CPPED1: variants seen among roughly 807,000 people sequenced by gnomAD.
CPPED1 encodes the protein serine/threonine-protein phosphatase CPPED1.
In CPPED1, 28 loss-of-function variants were observed where a neutral mutation model predicts 28.0. The ratio of observed to expected loss-of-function variants is 1.00; its 90% CI spans 0.74 to 1.37. CPPED1 has a LOEUF of 1.37. CPPED1 is among the 40% of genes most tolerant of loss of function. The pLI is 0.00. For missense variants in CPPED1, 504 were observed against 416.5 expected, an observed-to-expected ratio of 1.21 and a Z score of -1.83; for synonymous variants, 198 against 180.2, an observed-to-expected ratio of 1.10 and a Z score of -0.79.
intron 3 of CPPED1, among the ~76,000 whole-genome samples, chr16:12,685,025 C>G (rs537735008): frequency 1.3e-5 from 2 of 152,328 alleles, no homozygotes; most frequent in South Asian, 2.1e-4. Context: ...GGAGGCCTTA[C>G]TCACGACAGG....
At chr16:12,746,900 T>C (rs116267450) in intron 2 of CPPED1, among the ~76,000 whole-genome samples, 2 of 152,020 alleles carry the variant, frequency 1.3e-5, no homozygotes, top group African/African-American at 4.8e-5. Context: ...TAAAGGGTTA[T>C]AGCTAATGGG....
chr16:12,728,931 G>A (rs2080183731), intron 2 of CPPED1, among the ~76,000 whole-genome samples: 2 of 152,192 alleles, frequency 1.3e-5, no homozygotes, highest in Admixed American at 6.5e-5. Context: ...ACTGGGGCGG[G>A]ACCTGGATAG....
chr16:12,763,062 C>G (rs2080418734), intron 2 of CPPED1, among the ~76,000 whole-genome samples: 1 of 151,984 alleles, frequency 6.6e-6, no homozygotes, highest in Admixed American at 6.5e-5. Flanking sequence ...AACCCCATCT[C>G]TATTCTAAAA....
At chr16:12,669,596 T>C (rs894128288) in intron 3 of CPPED1, among the ~76,000 whole-genome samples, 5 of 152,212 alleles carry the variant, frequency 3.3e-5, no homozygotes, top group Admixed American at 6.5e-5. Flanking sequence ...CATGTTTAGC[T>C]TAATATTGCT....
chr16:12,762,703 T>C (rs1318930784), intron 2 of CPPED1, among the ~76,000 whole-genome samples: 1 of 152,254 alleles, frequency 6.6e-6, no homozygotes, highest in Non-Finnish European at 1.5e-5. Flanking sequence ...AAATAGGGAA[T>C]GACAGCTAAC....
rs1567301044 is a variant in CPPED1, at chr16:12,766,277, G to GAGAGA, written c.289+14907_289+14908insTCTCT. Among the ~76,000 whole-genome samples, 20 of 119,952 alleles carry GAGAGA rather than the reference G, an allele frequency of 1.7e-4. 3 individuals are homozygous for GAGAGA. Among genetic ancestry groups the GAGAGA allele is most frequent in the African/African-American group, 7.8e-4 (20 of 25,546 alleles). 78.7% of individuals were successfully genotyped at this position (119,952 alleles called of 152,430 possible). A position where few individuals can be genotyped will look rare whatever the true frequency, so the allele number is the denominator to read the frequency against. On this transcript the variant is annotated intron_variant, in intron 2 of 3. Transcript: ENST00000381774. Reference sequence around the variant, plus strand: ...TATATAGAGAGAGAGAGAGAGAGAGGGAGAGAGAGAGAGAGAAAGAGAGAG... The same window carrying GAGAGA: ...TATATAGAGAGAGAGAGAGAGAGAGGAGAGAGAGAGAGAGAGAGAGAAAGAGAGAG...
At chr16:12,794,909 A>T (rs1274135175) in intron 1 of CPPED1, among the ~76,000 whole-genome samples, 2 of 152,260 alleles carry the variant, frequency 1.3e-5, no homozygotes, top group African/African-American at 4.8e-5. Flanking sequence ...CTAAGAAAGC[A>T]GATGGGCTGG....
intron 2 of CPPED1, among the ~76,000 whole-genome samples, chr16:12,713,256 G>C (rs2080089235): frequency 6.6e-6 from 1 of 152,176 alleles, no homozygotes; most frequent in Admixed American, 6.5e-5. Context: ...TCAACACCTA[G>C]TGAGTATCAG....
chr16:12,789,281 A>C (rs990226046), intron 1 of CPPED1, among the ~76,000 whole-genome samples: 2 of 152,164 alleles, frequency 1.3e-5, no homozygotes. Context: ...ACAAACCCTT[A>C]TCTATGGTAA....
At chr16:12,767,545 A>C (rs1227823641) in intron 2 of CPPED1, among the ~76,000 whole-genome samples, 2 of 152,088 alleles carry the variant, frequency 1.3e-5, no homozygotes, top group Non-Finnish European at 2.9e-5. Flanking sequence ...CAGTCCCCAG[A>C]GCATCATCAC....
intron 2 of CPPED1, among the ~76,000 whole-genome samples, chr16:12,741,239 A>G (rs2080253557): frequency 6.6e-6 from 1 of 152,154 alleles, no homozygotes; most frequent in African/African-American, 2.4e-5. Flanking sequence ...AGACACTCAG[A>G]ATGGTTTCAC....
intron 3 of CPPED1, among the ~76,000 whole-genome samples, chr16:12,687,654 C>T (rs2079940312): frequency 6.6e-6 from 1 of 152,096 alleles, no homozygotes; most frequent in Admixed American, 6.6e-5. Flanking sequence ...ACCTATAATC[C>T]CAGCTACTCG....
intron 2 of CPPED1, among the ~76,000 whole-genome samples, chr16:12,744,563 C>T (rs2080275006): frequency 6.6e-6 from 1 of 152,156 alleles, no homozygotes; most frequent in African/African-American, 2.4e-5. Flanking sequence ...GAGACAGGCC[C>T]TACAGGCGTC....
rs1275252346 is a variant in CPPED1, at chr16:12,682,188, C to A, written c.716-17073G>T. Among the ~76,000 whole-genome samples the A allele has an allele frequency of 6.6e-6, 1 of 152,056 alleles. No individual in the cohort carries two copies. Among genetic ancestry groups the A allele is most frequent in the Non-Finnish European group, 1.5e-5 (1 of 68,006 alleles). On this transcript the variant is annotated intron_variant, in intron 3 of 3. Coordinates refer to ENST00000381774, the MANE Select transcript of CPPED1 (RefSeq NM_018340.3). The surrounding 1 kb of genome is among the most constrained non-coding windows in gnomAD (Gnocchi z 6.1). ...TAGCTGAGATTACAGGTTCCCGCTA[C>A]CATGCCCAGCTAATTTTTGTGTCTT...
At chr16:12,723,685 A>G (rs2080154341) in intron 2 of CPPED1, among the ~76,000 whole-genome samples, 2 of 152,114 alleles carry the variant, frequency 1.3e-5, no homozygotes, top group African/African-American at 4.8e-5. Flanking sequence ...CAGAAAAGGA[A>G]TTCACTCCCA....
chr16:12,747,439 A>ATAAC (rs917423976), intron 2 of CPPED1, among the ~76,000 whole-genome samples: 1 of 130,152 alleles, frequency 7.7e-6, no homozygotes, highest in African/African-American at 4.2e-5. Context: ...TTAAAAATAA[A>ATAAC]TAAATAAATA....
At chr16:12,686,583 A>G (rs8059582) in intron 3 of CPPED1, among the ~76,000 whole-genome samples, 32,987 of 152,112 alleles carry the variant, frequency 0.22, 6,378 homozygotes, top group African/African-American at 0.52. Flanking sequence ...GTAGGACCAA[A>G]GCATGCACAG....
chr16:12,785,861 T>C (rs2080559727), intron 1 of CPPED1, among the ~76,000 whole-genome samples: 1 of 151,926 alleles, frequency 6.6e-6, no homozygotes, highest in Admixed American at 6.6e-5. Context: ...TTTTAGCAAC[T>C]TGAGCCATGG....
chr16:12,673,623 C>T (rs1266037019), intron 3 of CPPED1, among the ~76,000 whole-genome samples: 1 of 152,202 alleles, frequency 6.6e-6, no homozygotes, highest in Non-Finnish European at 1.5e-5. Flanking sequence ...ACAGCTGTTC[C>T]TCTCTGTAAT....
Sources: allele counts gnomAD v4.1 joint callset (sites outside exome capture counted in the v4.1 genomes callset), GRCh38; gene constraint gnomAD v4.1.1; non-coding constraint Gnocchi (gnomAD v3.1); transcripts MANE v1.5; gene names NCBI Gene and HGNC (gene_info 2026-07-23, HGNC 2026-07-21).